PARD3: variants seen among roughly 807,000 people sequenced by gnomAD.
PARD3 encodes partitioning defective 3 homolog.
In PARD3, 75 loss-of-function variants were observed where a neutral mutation model predicts 155.4. The ratio of observed to expected loss-of-function variants is 0.48; its 90% CI spans 0.40 to 0.58. The LOEUF is 0.58. PARD3 is among the 20% of genes least tolerant of loss of function. PARD3 has a pLI of 0.00. For synonymous variants in PARD3, 576 were observed against 610.5 expected (o/e 0.94, Z 0.83); for missense variants, 1,642 against 1,721.7 (o/e 0.95, Z 0.82).
At chr10:34,446,284 T>C (rs576266783) in intron 5 of PARD3, among the ~76,000 whole-genome samples, 48 of 152,326 alleles carry the variant, frequency 3.2e-4, no homozygotes, top group South Asian at 1.0e-3. Flanking sequence ...CCAGACTTCC[T>C]GCTACATATA....
intron 5 of PARD3, among the ~76,000 whole-genome samples, chr10:34,430,749 A>G (rs115542583): frequency 2.1e-3 from 316 of 152,336 alleles, no homozygotes; most frequent in African/African-American, 6.9e-3. Context: ...GAACAACTGC[A>G]TAAGGAAGAA....
At chr10:34,750,353 C>A (rs2133944267) in intron 1 of PARD3, among the ~76,000 whole-genome samples, 1 of 129,284 alleles carries the variant, frequency 7.7e-6, no homozygotes, top group Admixed American at 7.7e-5. Flanking sequence ...CAAGCAAAAG[C>A]AGAAAAGAGT....
chr10:34,697,788 C>CACACACACAT (rs1407543860), intron 1 of PARD3, among the ~76,000 whole-genome samples: 1 of 151,632 alleles, frequency 6.6e-6, no homozygotes, highest in East Asian at 1.9e-4. Flanking sequence ...CACACACACA[C>CACACACACAT]ACACACGTTG....
intron 2 of PARD3, among the ~76,000 whole-genome samples, chr10:34,670,200 C>T (rs1393843903): frequency 6.6e-6 from 1 of 152,264 alleles, no homozygotes; most frequent in Non-Finnish European, 1.5e-5. Flanking sequence ...ACTCCATGCA[C>T]ACGCACCTCT....
At chr10:34,480,194 T>C (rs1446470467) in intron 3 of PARD3, among the ~76,000 whole-genome samples, 6 of 152,226 alleles carry the variant, frequency 3.9e-5, no homozygotes, top group African/African-American at 1.4e-4. Context: ...TCAGACGTAC[T>C]AGTAAAATTC....
At chr10:34,554,987 C>T (rs1367693437) in intron 2 of PARD3, among the ~76,000 whole-genome samples, 1 of 152,180 alleles carries the variant, frequency 6.6e-6, no homozygotes, top group Non-Finnish European at 1.5e-5. Flanking sequence ...GGGATGAATG[C>T]ACAGAACACA....
At chr10:34,677,591 G>A (rs1431193112) in intron 2 of PARD3, among the ~76,000 whole-genome samples, 1 of 151,968 alleles carries the variant, frequency 6.6e-6, no homozygotes, top group Non-Finnish European at 1.5e-5. Context: ...AAACCATTAA[G>A]AGATATTCCC....
intron 1 of PARD3, among the ~76,000 whole-genome samples, chr10:34,764,837 T>C (rs1317717640): frequency 6.6e-6 from 1 of 152,206 alleles, no homozygotes; most frequent in Non-Finnish European, 1.5e-5. Context: ...AGCACCTGGC[T>C]GTCTTGTGTT....
chr10:34,480,654 T>C (rs1238931132), intron 3 of PARD3, among the ~76,000 whole-genome samples: 1 of 152,190 alleles, frequency 6.6e-6, no homozygotes, highest in Non-Finnish European at 1.5e-5. Flanking sequence ...AGGAACAAAA[T>C]GTTTTAAAGT....
intron 7 of PARD3, among the ~76,000 whole-genome samples, chr10:34,386,874 GATT>G (rs1459087407): frequency 2.7e-5 from 4 of 150,724 alleles, no homozygotes; most frequent in Non-Finnish European, 5.9e-5. Context: ...GAATGAGGAA[GATT>G]AATACAAGAA....
chr10:34,408,951 A>T (rs1844772790), intron 5 of PARD3, among the ~76,000 whole-genome samples: 1 of 152,114 alleles, frequency 6.6e-6, no homozygotes, highest in African/African-American at 2.4e-5. Context: ...AGTTCCTTAT[A>T]ATATAAACTA....
At chr10:34,400,759 A>G (rs1843793918) in intron 6 of PARD3, among the ~76,000 whole-genome samples, 1 of 152,202 alleles carries the variant, frequency 6.6e-6, no homozygotes, top group African/African-American at 2.4e-5. Context: ...ATTTAATCAC[A>G]TGCACTAATT....
At chr10:34,701,920 T>G (rs574404906) in intron 1 of PARD3, among the ~76,000 whole-genome samples, 1 of 152,284 alleles carries the variant, frequency 6.6e-6, no homozygotes, top group Admixed American at 6.5e-5. Context: ...CCTAGCACTT[T>G]GGGAGGCCAA....
At chr10:34,312,673 T>C (rs1957767418) in intron 20 of PARD3, among the ~76,000 whole-genome samples, 1 of 152,186 alleles carries the variant, frequency 6.6e-6, no homozygotes, top group Non-Finnish European at 1.5e-5. Context: ...TTAAATGTAA[T>C]TGGAGGATTC....
intron 22 of PARD3, among the ~76,000 whole-genome samples, chr10:34,214,701 G>A (rs769995853): frequency 1.3e-5 from 2 of 152,066 alleles, no homozygotes; most frequent in African/African-American, 4.8e-5. Flanking sequence ...TGTTTACATC[G>A]GGTTCATCAT....
At chr10:34,159,711 T>C (rs982734421) in intron 22 of PARD3, among the ~76,000 whole-genome samples, 3 of 152,230 alleles carry the variant, frequency 2.0e-5, no homozygotes, top group African/African-American at 7.2e-5. Context: ...TAGCACTTTC[T>C]ATACATGAGG....
At chr10:34,173,447 C>T (rs1287949223) in intron 22 of PARD3, among the ~76,000 whole-genome samples, 2 of 152,190 alleles carry the variant, frequency 1.3e-5, no homozygotes, top group African/African-American at 2.4e-5. Flanking sequence ...GATCTGAGAA[C>T]ACATGTAATA....
At chr10:34,426,325 G>A (rs1008666782) in intron 5 of PARD3, among the ~76,000 whole-genome samples, 5 of 152,092 alleles carry the variant, frequency 3.3e-5, no homozygotes, top group African/African-American at 9.7e-5. Flanking sequence ...GAGTTTCCTC[G>A]TTACTCATAG....
chr10:34,765,241 A>G (rs1392357498), intron 1 of PARD3, among the ~76,000 whole-genome samples: 1 of 152,196 alleles, frequency 6.6e-6, no homozygotes, highest in Non-Finnish European at 1.5e-5. Flanking sequence ...AAGATGTCCA[A>G]AAACCCATAC....
Sources: gnomAD v4.1 joint callset for allele counts (sites outside exome capture counted in the v4.1 genomes callset) on GRCh38, gnomAD v4.1.1 for gene constraint, MANE v1.5 for transcripts, NCBI Gene and HGNC (gene_info 2026-07-23, HGNC 2026-07-21) for gene names.